Variants in USP37 observed in about 807,000 individuals in gnomAD.
USP37 encodes the protein ubiquitin carboxyl-terminal hydrolase 37.
USP37 carries 27 observed loss-of-function variants against 124.0 expected under a neutral mutation model. The observed-to-expected ratio is 0.22, with a 90% confidence interval of 0.16 to 0.30. The LOEUF (loss-of-function observed/expected upper bound fraction) is 0.30. Among genes scored for constraint, USP37 ranks in the 10% least tolerant of loss-of-function variants. The pLI, the probability that USP37 is intolerant of heterozygous loss-of-function variation, is 1.00. For missense variants in USP37, 889 were observed against 1,140.4 expected (o/e 0.78, Z 3.17); for synonymous variants, 365 against 388.0 (o/e 0.94, Z 0.70).
intron 10 of USP37, among the ~76,000 whole-genome samples, chr2:218,523,571 G>C (rs502196): frequency 7.1e-6 from 1 of 141,318 alleles, no homozygotes; most frequent in East Asian, 1.9e-4. Flanking sequence ...GTTTTTTGGC[G>C]GGGGGGTCTT....
Position 218,485,681 on chromosome 2 carries a change from T to C in USP37, c.1653A>G (p.Lys551=). ...AAAATTACCTAGGAAGCCTGTTAAA[T>C]TTGTGCCTGACAAGAGCACACTTCC... The part of the protein sequence containing the change: ...CGGKCALVRH[K]FNRLPRVLIL... Residue 551 remains lysine, a synonymous_variant, in exon 16 of 26, where the codon AAA becomes AAG. Transcript: ENST00000258399. 6.3e-7 allele frequency: 1 copy of C among 1,590,620 alleles called. No individual in the cohort carries two copies. Among genetic ancestry groups the C allele is most frequent in the Admixed American group, 1.8e-5 (1 of 55,430 alleles).
chr2:218,537,080 G>C (rs953090032), intron 8 of USP37, among the ~76,000 whole-genome samples: 2 of 151,796 alleles, frequency 1.3e-5, no homozygotes, highest in African/African-American at 4.8e-5. Flanking sequence ...AAAAATCATT[G>C]ACTTATATAC....
At chr2:218,555,800 A>T (rs1692938031) in intron 4 of USP37, among the ~76,000 whole-genome samples, 1 of 151,950 alleles carries the variant, frequency 6.6e-6, no homozygotes, top group Admixed American at 6.6e-5. Context: ...CCTAATCCTC[A>T]CACCCCAATT....
rs1420192366 is a variant in USP37, at chr2:218,553,651, T to C, written c.230A>G (p.Gln77Arg). 8 of 1,613,960 alleles carry C rather than the reference T, an allele frequency of 5.0e-6. No homozygotes were observed. Among genetic ancestry groups the C allele is most frequent in the Non-Finnish European group, 6.8e-6 (8 of 1,179,988 alleles). The stretch of plus-strand genomic sequence containing the variant: ...GTCAATAGACAAGAAGCTGTTATCT[T>C]GCAGAGTTAACATTAGGCGGCTTTG... Reference protein sequence around the residue: ...AKQSRLMLTLQDNSFLSIDKV... With the variant: ...AKQSRLMLTLRDNSFLSIDKV... Residue 77 changes from glutamine to arginine, a missense_variant, in exon 5 of 26, where the codon CAA (glutamine) becomes CGA (arginine). Coordinates refer to ENST00000258399, the MANE Select transcript of USP37 (RefSeq NM_020935.3).
intron 14 of USP37, among the ~76,000 whole-genome samples, chr2:218,491,073 T>C (rs995997847): frequency 1.3e-5 from 2 of 152,130 alleles, no homozygotes; most frequent in Non-Finnish European, 2.9e-5. Context: ...AGGGTATCGC[T>C]ATGTTGTCAG....
intron 10 of USP37, among the ~76,000 whole-genome samples, chr2:218,510,776 T>C (rs551323143): frequency 1.3e-5 from 2 of 152,286 alleles, no homozygotes; most frequent in Admixed American, 1.3e-4. Flanking sequence ...GCGGATTGCT[T>C]GAGCTCAGGA....
intron 8 of USP37, 97 bp from the exon 9 acceptor site, chr2:218,534,803 C>A (rs1255419030): frequency 2.9e-6 from 2 of 694,896 alleles, no homozygotes; most frequent in Admixed American, 3.3e-5. Context: ...ATTTAAAGTG[C>A]CAAATTCATT....
chr2:218,471,672 C>CA (rs1279480871), intron 20 of USP37, among the ~76,000 whole-genome samples: 1 of 151,866 alleles, frequency 6.6e-6, no homozygotes, highest in South Asian at 2.1e-4. Flanking sequence ...TTGCTCAGGC[C>CA]AAAAAACATG....
intron 4 of USP37, 108 bp from the exon 5 acceptor site, chr2:218,553,832 C>T: frequency 9.0e-7 from 1 of 1,115,154 alleles, no homozygotes; most frequent in Non-Finnish European, 1.2e-6. Context: ...ATTTATCACT[C>T]TTCCCCACAG....
At chr2:218,501,395 C>T (rs997258970) in intron 11 of USP37, among the ~76,000 whole-genome samples, 14 of 152,048 alleles carry the variant, frequency 9.2e-5, no homozygotes, top group African/African-American at 3.4e-4. Context: ...TCCTGTGTTG[C>T]CCATGGGTGA....
intron 14 of USP37, among the ~76,000 whole-genome samples, chr2:218,488,721 C>T (rs773094744): frequency 4.3e-4 from 65 of 152,188 alleles, no homozygotes; most frequent in Non-Finnish European, 6.0e-4. Flanking sequence ...CTGCAACCTC[C>T]GCCTCCCGGG....
intron 10 of USP37, among the ~76,000 whole-genome samples, chr2:218,515,035 C>A (rs1034340092): frequency 6.6e-6 from 1 of 152,110 alleles, no homozygotes; most frequent in African/African-American, 2.4e-5. Flanking sequence ...TCTGGCACCA[C>A]AAGATGTTAT....
intron 10 of USP37, among the ~76,000 whole-genome samples, chr2:218,527,297 A>AT (rs1691034319): frequency 6.6e-6 from 1 of 152,210 alleles, no homozygotes; most frequent in Admixed American, 6.5e-5. Context: ...GGAAAGCAGC[A>AT]TATTTACAGT....
intron 10 of USP37, among the ~76,000 whole-genome samples, chr2:218,522,009 G>A (rs1690678738): frequency 6.6e-6 from 1 of 151,630 alleles, no homozygotes; most frequent in Non-Finnish European, 1.5e-5. Context: ...TGAGTAGCTG[G>A]GGCTACAAGT....
At position 218,510,129 on chromosome 2, in the gene USP37, G is replaced by A. The variant is rs778090135; in HGVS notation, c.875C>T (p.Ser292Leu). ...GGTNLDRTNV[S>L]SQTPSAKRSL... ...TCTTTTGGCAGAGGGAGTCTGGCTTGAAACATTAGTCCTACAAAAAAGCAT... is the reference window on the plus strand; with the variant it reads ...TCTTTTGGCAGAGGGAGTCTGGCTTAAAACATTAGTCCTACAAAAAAGCAT... The change falls in exon 11 of 26, where the codon TCA becomes TTA. Residue 292 changes from serine to leucine, a missense_variant. Transcript: ENST00000258399. 7 of 1,608,792 alleles carry A rather than the reference G, an allele frequency of 4.4e-6. No homozygotes were observed. In the African/African-American group the frequency reaches 9.4e-5, roughly 22 times the overall value.
intron 1 of USP37, among the ~76,000 whole-genome samples, chr2:218,565,365 C>T (rs1693537499): frequency 6.6e-6 from 1 of 152,170 alleles, no homozygotes; most frequent in South Asian, 2.1e-4. Context: ...TTTTTGAAGG[C>T]TTTCTTTCCT....
intron 15 of USP37, 75 bp downstream of exon 15, chr2:218,488,229 C>T (rs1270117603): frequency 1.1e-6 from 1 of 909,364 alleles, no homozygotes; most frequent in Non-Finnish European, 1.6e-6. Flanking sequence ...TTGAAGAAAC[C>T]AACTTCAAAT....
chr2:218,540,155 T>G (rs1691893084), intron 8 of USP37, among the ~76,000 whole-genome samples: 1 of 152,196 alleles, frequency 6.6e-6, no homozygotes, highest in Non-Finnish European at 1.5e-5. Context: ...ATATAAGGGT[T>G]ACTTAACATA....
In USP37 at chr2:218,568,329, G is replaced by A. The variant is rs897974802; in HGVS notation, c.-381C>T. The A allele has an allele frequency of 6.5e-6, 1 of 152,784 alleles. No individual in the cohort carries two copies. The highest frequency in any genetic ancestry group is 1.5e-5 in the Non-Finnish European group (1 of 68,268). 9.5% of individuals were successfully genotyped at this position (152,784 alleles called of 1,614,324 possible). ...CTAGTCAGGGAGAGCGGCTGATGGCGGGAACTGTGACCACACGCAAACACG... is the reference window on the plus strand; with the variant it reads ...CTAGTCAGGGAGAGCGGCTGATGGCAGGAACTGTGACCACACGCAAACACG... On this transcript the variant is annotated 5_prime_UTR_variant, in exon 1 of 26. Transcript: ENST00000258399.
Sources: allele counts gnomAD v4.1 joint callset (sites outside exome capture counted in the v4.1 genomes callset), GRCh38; gene constraint gnomAD v4.1.1; transcripts MANE v1.5; gene names NCBI Gene and HGNC (gene_info 2026-07-23, HGNC 2026-07-21).